The following UBR3 variants were observed in gnomAD, a reference collection of about 807,000 sequenced individuals.
UBR3 encodes the protein E3 ubiquitin-protein ligase UBR3.
Under a neutral mutation model 243.2 loss-of-function variants are expected in UBR3, and 85 were observed. The observed-to-expected ratio is 0.35, with a 90% CI of 0.29 to 0.42. The LOEUF is 0.42. UBR3 is among the 10% of genes least tolerant of loss of function. The pLI, the probability that UBR3 is intolerant of heterozygous loss-of-function variation, is 1.00. For missense variants in UBR3, 1,686 were observed against 2,300.8 expected (o/e 0.73, Z 5.47); for synonymous variants, 748 against 799.8 (o/e 0.94, Z 1.09).
At chr2:170,073,299 T>G in intron 35 of UBR3, 129 bp from the exon 36 acceptor site, 1 of 1,038,202 alleles carries the variant, frequency 9.6e-7, no homozygotes, top group South Asian at 1.5e-5. Flanking sequence ...CTCCCTTCAC[T>G]TTTTTTCAGT....
Position 169,875,904 on chromosome 2 carries a change from A to C in UBR3, c.799A>C (p.Thr267Pro). The change falls in exon 3 of 39, where the codon ACT becomes CCT. Residue 267 changes from threonine (T) to proline (P), a missense_variant. This residue lies in a region of UBR3 where 200 missense variants were observed against 231.6 expected (regional missense o/e 0.86). Coordinates refer to ENST00000272793, the MANE Select transcript of UBR3 (RefSeq NM_172070.4). ...KMGGAMRSVLTQVLTNQQNYK... is the reference protein window; with the variant it reads ...KMGGAMRSVLPQVLTNQQNYK... ...GGGAGGAGCAATGCGGTCTGTTCTT[A>C]CTCAGGTTTTGACAAACCAACAAAA... is the stretch of plus-strand genomic sequence containing the variant. 1 of 1,543,472 alleles carries C rather than the reference A, an allele frequency of 6.5e-7. No individual in the cohort carries two copies. The highest frequency in any genetic ancestry group is 8.7e-7 in the Non-Finnish European group (1 of 1,143,960).
At chr2:169,861,589 A>G (rs1256518060) in intron 1 of UBR3, among the ~76,000 whole-genome samples, 1 of 150,096 alleles carries the variant, frequency 6.7e-6, no homozygotes, top group African/African-American at 2.5e-5. Flanking sequence ...CCTGGGTGAC[A>G]GAGCAAGACT....
At position 169,937,175 on chromosome 2, in the gene UBR3, C is replaced by T. The variant is rs561118884; in HGVS notation, c.2663+4167C>T. Among the ~76,000 whole-genome samples, 3 of 152,322 alleles carry T rather than the reference C, an allele frequency of 2.0e-5. No homozygotes were observed. The East Asian group carries it at 5.8e-4, about 29-fold the overall frequency. On this transcript the variant is annotated intron_variant, in intron 19 of 38. Transcript: ENST00000272793. The stretch of plus-strand genomic sequence containing the variant: ...ACATCCTCTCCAGCACCTGTTGTTT[C>T]CTGACTTTTTAATGATCGCCATTCT...
intron 33 of UBR3, among the ~76,000 whole-genome samples, chr2:170,056,787 C>T (rs1008825953): frequency 1.3e-5 from 2 of 152,106 alleles, no homozygotes; most frequent in South Asian, 2.1e-4. Flanking sequence ...CATTTAATAT[C>T]GTATCATCAC....
At chr2:169,988,487 TTAGAGA>T (rs1446735380) in intron 25 of UBR3, among the ~76,000 whole-genome samples, 2 of 152,152 alleles carry the variant, frequency 1.3e-5, no homozygotes. Flanking sequence ...GCCTTATCCC[TTAGAGA>T]TAGAAGGAAA....
chr2:169,987,400 A>C (rs1470998258), intron 25 of UBR3, among the ~76,000 whole-genome samples: 1 of 150,442 alleles, frequency 6.6e-6, no homozygotes, highest in East Asian at 1.9e-4. Flanking sequence ...CTCAAAAAAA[A>C]AAAAAAAACA....
At chr2:169,850,177 T>TGC in intron 1 of UBR3, among the ~76,000 whole-genome samples, 6 of 141,432 alleles carry the variant, frequency 4.2e-5, no homozygotes, top group Admixed American at 7.1e-5. Flanking sequence ...AGAGCTTTTT[T>TGC]TTTTTTTTTT....
chr2:169,959,180 G>A (rs1223169347), intron 24 of UBR3, among the ~76,000 whole-genome samples: 2 of 152,000 alleles, frequency 1.3e-5, no homozygotes, highest in Non-Finnish European at 2.9e-5. Flanking sequence ...ACACATATAT[G>A]CATTCAAGCA....
In UBR3 at chr2:169,828,045, G is replaced by A. The variant is rs1477933169; in HGVS notation, c.538G>A (p.Glu180Lys). The change falls in exon 1 of 39, where the codon GAG becomes AAG. Residue 180 changes from glutamate (E) to lysine (K), a missense_variant. Around this residue, in one of 8 missense-constraint regions of UBR3, gnomAD observed 145 missense variants for 243.8 expected, o/e 0.59. Coordinates refer to ENST00000272793, the MANE Select transcript of UBR3 (RefSeq NM_172070.4). Reference protein sequence around the residue: ...CDCGDSNVMRESGFCKRHQIK... With the variant: ...CDCGDSNVMRKSGFCKRHQIK... ...CTGCGGGGACAGCAACGTGATGCGG[G>A]AGAGCGGGTGAGTGGAGCCCTCCCC... 1 of 1,385,316 alleles carries A rather than the reference G, an allele frequency of 7.2e-7. No individual in the cohort carries two copies. Among genetic ancestry groups the A allele is most frequent in the Non-Finnish European group, 9.4e-7 (1 of 1,064,234 alleles). 85.8% of individuals were successfully genotyped at this position (1,385,316 alleles called of 1,614,324 possible).
chr2:170,073,707 G>T, intron 36 of UBR3, 100 bp downstream of exon 36: 2 of 1,247,178 alleles, frequency 1.6e-6, no homozygotes, highest in Admixed American at 2.9e-5. Context: ...GTTTTTGACA[G>T]CAATTATAAA....
Position 169,926,746 on chromosome 2 carries a change from T to C in UBR3, c.2204+2T>C. The C allele has an allele frequency of 6.5e-7, 1 of 1,549,712 alleles. No individual in the cohort carries two copies. The highest frequency in any genetic ancestry group is 8.7e-7 in the Non-Finnish European group (1 of 1,146,298). On this transcript the variant is annotated splice_donor_variant, in intron 15 of 38. Coordinates refer to ENST00000272793, the MANE Select transcript of UBR3 (RefSeq NM_172070.4). LOFTEE classifies it high-confidence loss of function. Reference sequence around the variant, plus strand: ...TTTTATTTCATCCGTCTTTGAAAGGTAGGCATAATTTTATTAAGACAGGTA... The same window carrying C: ...TTTTATTTCATCCGTCTTTGAAAGGCAGGCATAATTTTATTAAGACAGGTA...
chr2:169,983,554 G>A (rs183659887), intron 24 of UBR3, among the ~76,000 whole-genome samples: 59 of 152,148 alleles, frequency 3.9e-4, no homozygotes, highest in Middle Eastern at 3.4e-3. Context: ...GAGCCACTGC[G>A]CCCATCCTCC....
In UBR3 at chr2:169,992,076, T is replaced by C. The variant is rs565077889; in HGVS notation, c.3785-2247T>C. On this transcript the variant is annotated intron_variant, in intron 25 of 38. Transcript: ENST00000272793. ...ATAACTAAAATCAGAAATGAAATTATTGACTTTACTACAGACCTCACGGAA... is the reference window on the plus strand; with the variant it reads ...ATAACTAAAATCAGAAATGAAATTACTGACTTTACTACAGACCTCACGGAA... Among the ~76,000 whole-genome samples the C allele has an allele frequency of 1.1e-4, 17 of 152,282 alleles. No homozygotes were observed. In the South Asian group the frequency reaches 3.5e-3, roughly 32 times the overall value.
chr2:169,995,779 C>T (rs1415703885), intron 26 of UBR3, among the ~76,000 whole-genome samples: 1 of 152,060 alleles, frequency 6.6e-6, no homozygotes, highest in Admixed American at 6.6e-5. Context: ...TTTTCAGGCT[C>T]TGACACTCAG....
chr2:169,890,540 G>GAGAT (rs1553504401), intron 5 of UBR3, among the ~76,000 whole-genome samples: 2 of 76,020 alleles, frequency 2.6e-5, no homozygotes, highest in African/African-American at 1.3e-4. Context: ...GAGAGAGAGA[G>GAGAT]ATATATATAT....
At chr2:169,844,154 C>T (rs2082390276) in intron 1 of UBR3, among the ~76,000 whole-genome samples, 1 of 151,676 alleles carries the variant, frequency 6.6e-6, no homozygotes, top group Admixed American at 6.6e-5. Context: ...TTACAGGTGC[C>T]TGCCACCACG....
At chr2:169,985,837 C>T (rs2088976799) in intron 24 of UBR3, among the ~76,000 whole-genome samples, 1 of 152,026 alleles carries the variant, frequency 6.6e-6, no homozygotes, top group South Asian at 2.1e-4. Flanking sequence ...ACTTTTTTCT[C>T]ATTTCTGACG....
chr2:169,957,710 A>G (rs1268469995), intron 23 of UBR3, among the ~76,000 whole-genome samples: 1 of 152,194 alleles, frequency 6.6e-6, no homozygotes, highest in Non-Finnish European at 1.5e-5. Flanking sequence ...TTAAAGTATA[A>G]TAAAATAAAA....
Position 170,081,809 on chromosome 2 carries a change from A to G in UBR3, c.5633A>G (p.Asn1878Ser), listed in dbSNP as rs960524749. The G allele has an allele frequency of 5.6e-6, 9 of 1,606,998 alleles. No individual in the cohort carries two copies. Among genetic ancestry groups the G allele is most frequent in the East Asian group, 4.5e-5 (2 of 44,346 alleles). ...ATTTCTCATACTTTTGATCACATCA[A>G]TAAAAGATGGGGTCCACATTACAAT... The part of the protein sequence containing the change: ...QWISHTFDHI[N>S]KRWGPHYNGL The change falls in exon 39 of 39, where the codon AAT becomes AGT. Residue 1878 changes from asparagine to serine, a missense_variant. Coordinates refer to ENST00000272793, the MANE Select transcript of UBR3 (RefSeq NM_172070.4).
Sources: gnomAD v4.1 joint callset for allele counts (sites outside exome capture counted in the v4.1 genomes callset) on GRCh38, gnomAD v4.1.1 for gene constraint, gnomAD v4.1.1 regional missense constraint, MANE v1.5 for transcripts, NCBI Gene and HGNC (gene_info 2026-07-23, HGNC 2026-07-21) for gene names.